The following WDR7 variants were observed in gnomAD, a reference collection of about 807,000 sequenced individuals.
WDR7 encodes the protein WD repeat domain 7, also known as WD repeat-containing protein 7.
A neutral mutation model predicts 169.4 loss-of-function variants in WDR7; 46 were observed. That is an observed-to-expected ratio of 0.27 (90% CI 0.21 to 0.35). The LOEUF is 0.35. Ranked by LOEUF, WDR7 falls within the 10% of genes least tolerant of loss-of-function variation. WDR7 has a pLI of 1.00. For missense variants in WDR7, 1,534 were observed against 1,859.3 expected (o/e 0.83, Z 3.22); for synonymous variants, 612 against 666.8 (o/e 0.92, Z 1.27).
At position 56,889,322 on chromosome 18, in the gene WDR7, A is replaced by G. The variant is rs536913874; in HGVS notation, c.3526+9157A>G. Among the ~76,000 whole-genome samples the G allele has an allele frequency of 3.0e-4, 45 of 152,330 alleles. No homozygotes were observed. The South Asian group carries it at 3.7e-3, about 13-fold the overall frequency. On this transcript the variant is annotated intron_variant, in intron 21 of 27. Coordinates refer to ENST00000254442, the MANE Select transcript of WDR7 (RefSeq NM_015285.3). Reference sequence around the variant, plus strand: ...AACACCTTTTTAATTCCAACTCCATACATATCTCTTGTTACCCTGAAAGAC... The same window carrying G: ...AACACCTTTTTAATTCCAACTCCATGCATATCTCTTGTTACCCTGAAAGAC...
chr18:56,741,334 C>T (rs1316583295), intron 14 of WDR7, among the ~76,000 whole-genome samples: 1 of 152,158 alleles, frequency 6.6e-6, no homozygotes, highest in African/African-American at 2.4e-5. Flanking sequence ...CTCTTGAAAA[C>T]CAATCCAAAA....
chr18:56,689,548 C>T (rs1360540489), intron 7 of WDR7, among the ~76,000 whole-genome samples: 1 of 152,240 alleles, frequency 6.6e-6, no homozygotes, highest in Non-Finnish European at 1.5e-5. Flanking sequence ...GCATGAGCCA[C>T]CGTGCCTGGC....
intron 27 of WDR7, among the ~76,000 whole-genome samples, chr18:57,023,282 T>C (rs2145945988): frequency 6.6e-6 from 1 of 152,372 alleles, no homozygotes; most frequent in East Asian, 1.9e-4. Flanking sequence ...GTTGTAATGA[T>C]GTATCAGAAT....
chr18:56,958,394 TC>T lies in WDR7; in HGVS notation c.4065-4035del, dbSNP rs2047287469. 2.0e-5 allele frequency among the ~76,000 whole-genome samples: 3 copies of T among 152,192 alleles called. No homozygotes were observed. In the South Asian group the frequency reaches 6.2e-4, roughly 31 times the overall value. ...GTTTTGCCCTATTTCAATAATGGCATCAAAATGATACCATTTTTATTGAAAT... is the reference window on the plus strand; with the variant it reads ...GTTTTGCCCTATTTCAATAATGGCATAAAATGATACCATTTTTATTGAAAT... On this transcript the variant is annotated intron_variant, in intron 25 of 27. Coordinates refer to ENST00000254442, the MANE Select transcript of WDR7 (RefSeq NM_015285.3).
chr18:56,786,219 G>A (rs371401267), intron 19 of WDR7, among the ~76,000 whole-genome samples: 5 of 152,090 alleles, frequency 3.3e-5, no homozygotes, highest in Admixed American at 2.0e-4. Flanking sequence ...TGAAAAGCCA[G>A]CTCACAGATT....
At chr18:56,825,791 A>G (rs2045192436) in intron 20 of WDR7, among the ~76,000 whole-genome samples, 1 of 152,204 alleles carries the variant, frequency 6.6e-6, no homozygotes, top group African/African-American at 2.4e-5. Context: ...TGAAGAAAAT[A>G]CTTCCTGTTT....
chr18:56,942,697 C>T (rs1335619716), intron 25 of WDR7, among the ~76,000 whole-genome samples: 1 of 152,100 alleles, frequency 6.6e-6, no homozygotes, highest in Non-Finnish European at 1.5e-5. Context: ...TGTGGTACAA[C>T]TGGTTTCATT....
At chr18:57,006,404 G>T (rs1432802725) in intron 26 of WDR7, among the ~76,000 whole-genome samples, 3 of 151,626 alleles carry the variant, frequency 2.0e-5, no homozygotes, top group African/African-American at 7.3e-5. Context: ...ATTTTCACCT[G>T]TATTACCACA....
intron 21 of WDR7, among the ~76,000 whole-genome samples, chr18:56,905,030 G>C (rs1030081241): frequency 6.6e-6 from 1 of 152,110 alleles, no homozygotes; most frequent in Non-Finnish European, 1.5e-5. Context: ...GTATGAAAAA[G>C]GTAGGACTTT....
intron 7 of WDR7, among the ~76,000 whole-genome samples, chr18:56,689,096 T>C (rs559824083): frequency 1.3e-5 from 2 of 152,138 alleles, no homozygotes; most frequent in African/African-American, 2.4e-5. Context: ...AGAAAGGTGC[T>C]CAACTTCACT....
intron 19 of WDR7, among the ~76,000 whole-genome samples, chr18:56,798,030 A>C (rs1722502417): frequency 6.6e-6 from 1 of 152,134 alleles, no homozygotes; most frequent in South Asian, 2.1e-4. Flanking sequence ...CTAATTTTGG[A>C]AATGTTTCTG....
At chr18:56,690,389 T>C (rs2144614011) in intron 7 of WDR7, among the ~76,000 whole-genome samples, 1 of 152,334 alleles carries the variant, frequency 6.6e-6, no homozygotes, top group Middle Eastern at 3.4e-3. Context: ...TTGAATTTTA[T>C]ATGTGAAAAT....
At chr18:56,753,895 T>C (rs1379824918) in intron 14 of WDR7, among the ~76,000 whole-genome samples, 2 of 152,066 alleles carry the variant, frequency 1.3e-5, no homozygotes, top group East Asian at 3.8e-4. Flanking sequence ...CATTTTATTC[T>C]AGAGCTTTAT....
At chr18:56,997,390 A>G (rs1312398842) in intron 26 of WDR7, among the ~76,000 whole-genome samples, 1 of 152,192 alleles carries the variant, frequency 6.6e-6, no homozygotes, top group African/African-American at 2.4e-5. Flanking sequence ...GGGGGCATTT[A>G]CTATTTGACT....
chr18:57,015,242 G>T (rs1024975230), intron 26 of WDR7, among the ~76,000 whole-genome samples: 11 of 152,208 alleles, frequency 7.2e-5, no homozygotes, highest in African/African-American at 2.7e-4. Context: ...TGCACAAAGA[G>T]ACTTGAGAAG....
chr18:56,799,089 C>T (rs1035036439), intron 19 of WDR7, among the ~76,000 whole-genome samples: 1 of 152,102 alleles, frequency 6.6e-6, no homozygotes, highest in African/African-American at 2.4e-5. Flanking sequence ...ATTAGGAAGG[C>T]AGGTAATCAA....
At chr18:56,687,736 C>G (rs759264461) in intron 7 of WDR7, among the ~76,000 whole-genome samples, 12 of 152,298 alleles carry the variant, frequency 7.9e-5, no homozygotes, top group Middle Eastern at 3.4e-3. Flanking sequence ...AAAGGATCCT[C>G]CCACCTCAGC....
Position 56,686,893 on chromosome 18 carries a change from T to G in WDR7, c.636T>G (p.Ile212Met). 6.2e-7 allele frequency: 1 copy of G among 1,609,988 alleles called. No individual in the cohort carries two copies. Among genetic ancestry groups the G allele is most frequent in the South Asian group, 1.1e-5 (1 of 90,916 alleles). Residue 212 changes from isoleucine (I) to methionine (M), a missense_variant, in exon 7 of 28, where the codon ATT becomes ATG. Ile to Met is a conservative substitution (Grantham distance 10). Coordinates refer to ENST00000254442, the MANE Select transcript of WDR7 (RefSeq NM_015285.3). ...TATTTGAGGAGGAATCCAAACCAAT[T>G]TATTGTCAGAATTGCCAAAGCATCT... ...EPIFEEESKP[I>M]YCQNCQSISF...
At chr18:56,677,999 C>A (rs2025278188) in intron 2 of WDR7, among the ~76,000 whole-genome samples, 1 of 152,152 alleles carries the variant, frequency 6.6e-6, no homozygotes, top group Non-Finnish European at 1.5e-5. Context: ...AATAGGCCAT[C>A]TTCAAGCTCA....
Sources: gnomAD v4.1 joint callset for allele counts (sites outside exome capture counted in the v4.1 genomes callset) on GRCh38, gnomAD v4.1.1 for gene constraint, MANE v1.5 for transcripts, NCBI Gene and HGNC (gene_info 2026-07-23, HGNC 2026-07-21) for gene names.